Variants in ZMYM4 observed in about 807,000 individuals in gnomAD.
ZMYM4 encodes the protein zinc finger MYM-type containing 4.
A neutral mutation model predicts 183.2 loss-of-function variants in ZMYM4; 31 were observed. The observed-to-expected ratio is 0.17, with a 90% CI of 0.13 to 0.23. The LOEUF is 0.23. Among genes scored for constraint, ZMYM4 ranks in the 10% least tolerant of loss-of-function variants. The pLI, the probability that ZMYM4 is intolerant of heterozygous loss-of-function variation, is 1.00. For missense variants in ZMYM4, 1,273 were observed against 1,840.3 expected (o/e 0.69, Z 5.64); for synonymous variants, 592 against 631.2 (o/e 0.94, Z 0.93).
At chr1:35,317,229 T>G (rs1360448575) in intron 1 of ZMYM4, among the ~76,000 whole-genome samples, 1 of 152,020 alleles carries the variant, frequency 6.6e-6, no homozygotes, top group Non-Finnish European at 1.5e-5. Flanking sequence ...GGTCTGGAGT[T>G]CGAGACCAGC....
intron 2 of ZMYM4, among the ~76,000 whole-genome samples, chr1:35,338,804 A>G (rs1643080180): frequency 6.6e-6 from 1 of 152,068 alleles, no homozygotes; most frequent in South Asian, 2.1e-4. Context: ...CCCACTTGCT[A>G]TTAGTTTTTT....
Position 35,394,162 on chromosome 1 carries a change from CTTTTTTTTTTTT to C in ZMYM4, c.2911+442_2911+453del, listed in dbSNP as rs34277367. Among the ~76,000 whole-genome samples, 130 of 68,432 alleles carry C rather than the reference CTTTTTTTTTTTT, an allele frequency of 1.9e-3. 2 individuals carry two copies. The highest frequency in any genetic ancestry group is 4.5e-3 in the Admixed American group (23 of 5,104). 44.9% of individuals were successfully genotyped at this position (68,432 alleles called of 152,430 possible). A position where few individuals can be genotyped will look rare whatever the true frequency, so the allele number is the denominator to read the frequency against. Reference sequence around the variant, plus strand: ...CCTTTGAGGAGAGCTTCAGAGCTTTCTTTTTTTTTTTTTTTTTTTTTTTTTTTTTTATGAACT... The same window carrying C: ...CCTTTGAGGAGAGCTTCAGAGCTTTCTTTTTTTTTTTTTTTTTTATGAACT... On this transcript the variant is annotated intron_variant, in intron 18 of 29. Transcript: ENST00000314607.
chr1:35,359,041 G>A lies in ZMYM4; in HGVS notation c.202G>A (p.Asp68Asn). The change falls in exon 3 of 30, where the codon GAT becomes AAT. Residue 68 changes from aspartate to asparagine, a missense_variant. This residue lies in a region of ZMYM4 where 384 missense variants were observed against 465.6 expected (regional missense o/e 0.82). Coordinates refer to ENST00000314607, the MANE Select transcript of ZMYM4 (RefSeq NM_005095.3). ...NQTGSENSLL[D>N]EDDYFLNSGD... The stretch of plus-strand genomic sequence containing the variant: ...AACAGGATCTGAAAATTCATTGCTG[G>A]ATGAAGATGATTATTTTTTGAACTC... 6.2e-7 allele frequency: 1 copy of A among 1,613,742 alleles called. No individual in the cohort carries two copies. The highest frequency in any genetic ancestry group is 2.2e-5 in the East Asian group (1 of 44,844).
At chr1:35,311,599 T>C (rs1010684979) in intron 1 of ZMYM4, among the ~76,000 whole-genome samples, 1 of 151,802 alleles carries the variant, frequency 6.6e-6, no homozygotes, top group Non-Finnish European at 1.5e-5. Context: ...AGGGAGACTG[T>C]GTCTCAAAAA....
At chr1:35,380,514 G>A (rs1043010360) in intron 7 of ZMYM4, among the ~76,000 whole-genome samples, 4 of 152,086 alleles carry the variant, frequency 2.6e-5, no homozygotes, top group Non-Finnish European at 4.4e-5. Context: ...TTTTTAGAGA[G>A]ACGGGGTTTC....
At chr1:35,322,127 T>C (rs1296555895) in intron 1 of ZMYM4, among the ~76,000 whole-genome samples, 1 of 152,208 alleles carries the variant, frequency 6.6e-6, no homozygotes, top group South Asian at 2.1e-4. Context: ...TTTGTATCTT[T>C]ACCAGTCTGA....
chr1:35,332,403 G>GTTTT (rs569755227), intron 2 of ZMYM4, among the ~76,000 whole-genome samples: 1 of 126,142 alleles, frequency 7.9e-6, no homozygotes, highest in African/African-American at 3.1e-5. Context: ...TACTGGGGAT[G>GTTTT]TTTTTTTTTT....
intron 24 of ZMYM4, 59 bp from the exon 25 acceptor site, chr1:35,405,314 A>G: frequency 6.3e-7 from 1 of 1,579,448 alleles, no homozygotes. Context: ...GGCTTTACTT[A>G]ATTTTTTCCG....
intron 2 of ZMYM4, among the ~76,000 whole-genome samples, chr1:35,331,574 T>C (rs1374190444): frequency 6.6e-6 from 1 of 151,848 alleles, no homozygotes; most frequent in Non-Finnish European, 1.5e-5. Context: ...TTGCTTGAGG[T>C]CAGGAGTTCG....
intron 9 of ZMYM4, 66 bp downstream of exon 9, chr1:35,381,824 T>TGTA: frequency 1.3e-6 from 2 of 1,563,510 alleles, no homozygotes; most frequent in African/African-American, 1.4e-5. Flanking sequence ...TTAGTCAGAA[T>TGTA]TATTTATGAA....
chr1:35,333,311 G>A (rs1315502079), intron 2 of ZMYM4, among the ~76,000 whole-genome samples: 1 of 146,148 alleles, frequency 6.8e-6, no homozygotes, highest in Non-Finnish European at 1.5e-5. Flanking sequence ...AGGTTGGAGT[G>A]CAGTGGTGCA....
At position 35,419,706 on chromosome 1, in the gene ZMYM4, A is replaced by G. The variant is rs1407347197; in HGVS notation, c.*29A>G. On this transcript the variant is annotated 3_prime_UTR_variant, in exon 30 of 30. Coordinates refer to ENST00000314607, the MANE Select transcript of ZMYM4 (RefSeq NM_005095.3). ...GGAAGTGAGGTTCTTATTTTCATAC[A>G]TATTGGTATGCACCAAACTGTGAAT... 2.5e-6 allele frequency: 4 copies of G among 1,604,594 alleles called. No individual in the cohort carries two copies. Among genetic ancestry groups the G allele is most frequent in the East Asian group, 2.2e-5 (1 of 44,788 alleles).
intron 1 of ZMYM4, among the ~76,000 whole-genome samples, chr1:35,315,708 G>C (rs1290813226): frequency 3.9e-5 from 6 of 152,140 alleles, no homozygotes; most frequent in Admixed American, 3.9e-4. Flanking sequence ...TGAGTTGGGA[G>C]GATCGCTTTA....
chr1:35,273,126 T>G (rs2148664888), intron 1 of ZMYM4, among the ~76,000 whole-genome samples: 1 of 152,322 alleles, frequency 6.6e-6, no homozygotes, highest in South Asian at 2.1e-4. Context: ...CAGAATATGC[T>G]GGAATGCTAG....
chr1:35,287,206 T>C (rs1640545582), intron 1 of ZMYM4, among the ~76,000 whole-genome samples: 1 of 151,542 alleles, frequency 6.6e-6, no homozygotes, highest in African/African-American at 2.4e-5. Flanking sequence ...TCTACAATAG[T>C]GGTTTTACTT....
intron 1 of ZMYM4, among the ~76,000 whole-genome samples, chr1:35,320,172 T>C (rs1642223038): frequency 1.3e-5 from 2 of 152,226 alleles, no homozygotes; most frequent in South Asian, 4.1e-4. Context: ...TGACTTGGGC[T>C]TAGGGCCAGG....
intron 5 of ZMYM4, among the ~76,000 whole-genome samples, chr1:35,367,220 ATTT>A (rs200690605): frequency 4.1e-5 from 6 of 145,604 alleles, no homozygotes; most frequent in Admixed American, 2.1e-4. Context: ...CAATTAATTA[ATTT>A]TTTTTTTTTT....
intron 7 of ZMYM4, among the ~76,000 whole-genome samples, chr1:35,380,469 A>T (rs1311352922): frequency 6.6e-6 from 1 of 152,132 alleles, no homozygotes. Flanking sequence ...CTGGGACTAC[A>T]GGCACATGCC....
intron 2 of ZMYM4, among the ~76,000 whole-genome samples, chr1:35,350,367 C>T (rs1310599191): frequency 6.6e-6 from 1 of 152,018 alleles, no homozygotes; most frequent in African/African-American, 2.4e-5. Context: ...TGGCTCACTG[C>T]AACCTCTACC....
Sources: allele counts gnomAD v4.1 joint callset (sites outside exome capture counted in the v4.1 genomes callset), GRCh38; gene constraint gnomAD v4.1.1; regional missense constraint gnomAD v4.1.1; transcripts MANE v1.5; gene names NCBI Gene and HGNC (gene_info 2026-07-23, HGNC 2026-07-21).